Variants in TMC5 observed in about 807,000 individuals in gnomAD.
TMC5 encodes transmembrane channel-like protein 5.
Under a neutral mutation model 110.5 loss-of-function variants are expected in TMC5, and 86 were observed. The observed-to-expected ratio is 0.78, with a 90% CI of 0.65 to 0.93. The LOEUF is 0.93. TMC5 is among the 40% of genes least tolerant of loss of function. The pLI is 0.00. For synonymous variants in TMC5, 455 were observed against 439.5 expected, an observed-to-expected ratio of 1.04 and a Z score of -0.44; for missense variants, 1,144 against 1,222.8, an observed-to-expected ratio of 0.94 and a Z score of 0.96.
chr16:19,422,532 C>T (rs1304777177), intron 1 of TMC5, among the ~76,000 whole-genome samples: 2 of 152,020 alleles, frequency 1.3e-5, no homozygotes, highest in Non-Finnish European at 2.9e-5. Context: ...TTTTTATTTT[C>T]AAAACATTGT....
At chr16:19,480,804 CAAAAA>C (rs34237812) in intron 14 of TMC5, among the ~76,000 whole-genome samples, 1 of 75,240 alleles carries the variant, frequency 1.3e-5, no homozygotes, top group Non-Finnish European at 3.0e-5. Context: ...GACTCCATCT[CAAAAA>C]AAAAAAAAAA....
At chr16:19,459,314 T>C (rs1451278466) in intron 5 of TMC5, among the ~76,000 whole-genome samples, 1 of 151,984 alleles carries the variant, frequency 6.6e-6, no homozygotes, top group Non-Finnish European at 1.5e-5. Flanking sequence ...AGGAAATGAA[T>C]TTGGGGTAGA....
chr16:19,428,124 G>C (rs1967123759), intron 1 of TMC5, among the ~76,000 whole-genome samples: 1 of 152,142 alleles, frequency 6.6e-6, no homozygotes, highest in Admixed American at 6.5e-5. Context: ...AAGGATCGTG[G>C]TAAAAGAGGA....
At chr16:19,464,336 AT>A (rs1343414428) in intron 8 of TMC5, among the ~76,000 whole-genome samples, 1 of 152,214 alleles carries the variant, frequency 6.6e-6, no homozygotes, top group Non-Finnish European at 1.5e-5. Context: ...AGGTAAGAGG[AT>A]TGCTTGAGCC....
chr16:19,478,720 A>G (rs1968546026), intron 13 of TMC5, among the ~76,000 whole-genome samples: 1 of 152,036 alleles, frequency 6.6e-6, no homozygotes, highest in Admixed American at 6.6e-5. Context: ...CTATCTGTCA[A>G]TTCATGTATT....
At chr16:19,490,984 C>CTCCT (rs71146247) in intron 18 of TMC5, among the ~76,000 whole-genome samples, 54,583 of 73,388 alleles carry the variant, frequency 0.74, 23,557 homozygotes, top group East Asian at 0.92. Flanking sequence ...CCTTCCCCTT[C>CTCCT]TCCTTCCTTC....
At position 19,463,627 on chromosome 16, in the gene TMC5, T is replaced by G. The variant is rs572944123; in HGVS notation, c.1237-149T>G. The G allele has an allele frequency of 7.6e-5, 83 of 1,098,594 alleles. No homozygotes were observed. In the African/African-American group the frequency reaches 1.2e-3, roughly 16 times the overall value. 68.1% of individuals were successfully genotyped at this position (1,098,594 alleles called of 1,614,324 possible). A position where few individuals can be genotyped will look rare whatever the true frequency, so the allele number is the denominator to read the frequency against. On this transcript the variant is annotated intron_variant, in intron 7 of 21. Transcript: ENST00000542583. ...AGGTCATAATAGCTCCACCTTAGAG[T>G]TGACATAACATTTGTAAACATGCCT...
intron 8 of TMC5, 93 bp from the exon 9 acceptor site, chr16:19,465,989 C>A (rs917432066): frequency 1.4e-6 from 2 of 1,383,778 alleles, no homozygotes; most frequent in African/African-American, 2.9e-5. Flanking sequence ...GCCCAGGCTT[C>A]TTGTATTCAG....
At chr16:19,467,245 GA>G (rs751428237) in intron 9 of TMC5, among the ~76,000 whole-genome samples, 3 of 152,122 alleles carry the variant, frequency 2.0e-5, no homozygotes, top group Non-Finnish European at 4.4e-5. Flanking sequence ...TTAAACAACA[GA>G]AATTTATTTT....
chr16:19,459,589 C>T (rs1400779194), intron 5 of TMC5, among the ~76,000 whole-genome samples: 1 of 151,734 alleles, frequency 6.6e-6, no homozygotes, highest in African/African-American at 2.4e-5. Flanking sequence ...CCACCTTGGG[C>T]AACATAGCAA....
At chr16:19,441,783 G>T (rs558355921) in intron 3 of TMC5, among the ~76,000 whole-genome samples, 104 of 151,926 alleles carry the variant, frequency 6.8e-4, no homozygotes, top group Non-Finnish European at 1.1e-3. Flanking sequence ...TGTTGTTGTT[G>T]TTTTTTATTT....
intron 14 of TMC5, 112 bp downstream of exon 14, chr16:19,479,640 A>G (rs897660020): frequency 6.6e-6 from 5 of 761,784 alleles, no homozygotes; most frequent in Non-Finnish European, 1.1e-5. Flanking sequence ...GCGTTGTTCC[A>G]AGTCTGCCTG....
At chr16:19,474,377 A>G in intron 12 of TMC5, 101 bp downstream of exon 12, 9 of 1,356,728 alleles carry the variant, frequency 6.6e-6, no homozygotes, top group Non-Finnish European at 8.1e-6. Context: ...TTTTTTCTCC[A>G]GAGAGGAAGA....
rs577530761 is a variant in TMC5 at position 19,487,177 on chromosome 16, G to A, written c.2440-16G>A. 3 of 1,607,978 alleles carry A rather than the reference G, an allele frequency of 1.9e-6. No individual in the cohort carries two copies. Among genetic ancestry groups the A allele is most frequent in the African/African-American group, 2.7e-5 (2 of 74,996 alleles). On this transcript the variant is annotated splice_polypyrimidine_tract_variant and intron_variant, in intron 16 of 21. Transcript: ENST00000542583. Reference sequence around the variant, plus strand: ...CTCCGGCTGCAGATGGGAGGTGGCTGCCTCTCTCTCTTCAGATCAGCCTGA... The same window carrying A: ...CTCCGGCTGCAGATGGGAGGTGGCTACCTCTCTCTCTTCAGATCAGCCTGA...
Position 19,498,223 on chromosome 16 carries a change from C to A in TMC5, c.*257C>A. 4.2e-6 allele frequency: 2 copies of A among 470,670 alleles called. No homozygotes were observed. The highest frequency in any genetic ancestry group is 7.6e-6 in the Non-Finnish European group (2 of 263,054). The allele number at this position is 470,670 out of a possible 1,614,324, so 29.2% of individuals were successfully genotyped here. A position where few individuals can be genotyped will look rare whatever the true frequency, so the allele number is the denominator to read the frequency against. On this transcript the variant is annotated 3_prime_UTR_variant, in exon 22 of 22. Coordinates refer to ENST00000542583, the MANE Select transcript of TMC5 (RefSeq NM_001261841.2). ...AAGATTGTTGTAATATTGAAATGAG[C>A]CTACAAAAACCTAGGAAGAGATAAC...
At chr16:19,482,189 C>G (rs1157327917) in intron 15 of TMC5, among the ~76,000 whole-genome samples, 11 of 152,176 alleles carry the variant, frequency 7.2e-5, no homozygotes, top group Non-Finnish European at 1.5e-5. Context: ...TCCCAAGTAG[C>G]TGGGACTATA....
chr16:19,457,715 T>TTTTTTTC (rs1967919308), intron 5 of TMC5, among the ~76,000 whole-genome samples: 1 of 77,062 alleles, frequency 1.3e-5, no homozygotes, highest in Non-Finnish European at 2.4e-5. Context: ...CATTCTTTTT[T>TTTTTTTC]TTTTTTTTTT....
At chr16:19,472,680 A>C (rs1029017553) in intron 11 of TMC5, among the ~76,000 whole-genome samples, 1 of 152,044 alleles carries the variant, frequency 6.6e-6, no homozygotes, top group African/African-American at 2.4e-5. Context: ...CAACATCTCT[A>C]TGAGTCATGT....
intron 18 of TMC5, 143 bp downstream of exon 18, chr16:19,490,711 T>TTTCCTTCC (rs150837460): frequency 0.039 from 15,101 of 389,012 alleles, 1,260 homozygotes; most frequent in East Asian, 0.1. Flanking sequence ...GGTAGTTTTC[T>TTTCCTTCC]TTCCTTCCTT....
Sources: allele counts gnomAD v4.1 joint callset (sites outside exome capture counted in the v4.1 genomes callset), GRCh38; gene constraint gnomAD v4.1.1; transcripts MANE v1.5; gene names NCBI Gene and HGNC (gene_info 2026-07-23, HGNC 2026-07-21).